Variants in VSIG10L observed in about 807,000 individuals in gnomAD.
The protein encoded by VSIG10L is V-set and immunoglobulin domain containing 10 like, also known as V-set and immunoglobulin domain-containing protein 10-like.
VSIG10L carries 63 observed loss-of-function variants against 67.3 expected under a neutral mutation model. The observed-to-expected ratio is 0.94, with a 90% confidence interval of 0.76 to 1.15. The LOEUF (loss-of-function observed/expected upper bound fraction) is 1.15. Among genes scored for constraint, VSIG10L ranks in the 50% most tolerant of loss-of-function variants. The pLI is 0.00. For synonymous variants in VSIG10L, 499 were observed against 524.9 expected (o/e 0.95, Z 0.67); for missense variants, 1,050 against 1,177.5 (o/e 0.89, Z 1.58).
rs994475121 is a variant in VSIG10L, at chr19:51,331,760, G to A, written c.*851C>T. 1.3e-5 allele frequency: 2 copies of A among 152,230 alleles called. No homozygotes were observed. Among genetic ancestry groups the A allele is most frequent in the African/African-American group, 4.8e-5 (2 of 41,436 alleles). 9.4% of individuals were successfully genotyped at this position (152,230 alleles called of 1,614,324 possible). A position where few individuals can be genotyped will look rare whatever the true frequency, so the allele number is the denominator to read the frequency against. The stretch of plus-strand genomic sequence containing the variant: ...GCTCTGGGTTAAGTGCTGAGTTAAT[G>A]ATGTGGTCTCTGCTTTTGTAAAGCC... On this transcript the variant is annotated 3_prime_UTR_variant, in exon 10 of 10. Coordinates refer to ENST00000335624, the MANE Select transcript of VSIG10L (RefSeq NM_001163922.3).
Position 51,341,798 on chromosome 19 carries a change from C to A in VSIG10L, c.250G>T (p.Ala84Ser), listed in dbSNP as rs1380737815. ...GACCCAGACATGTTGGAACTCAGGG[C>A]CTCAGGAAACCAGCTGGAATCAGAG... ...GISDSSWFPE[A>S]LSSNMSGSFW... The change falls in exon 2 of 10, where the codon GCC (alanine) becomes TCC (serine). Residue 84 changes from alanine to serine, a missense_variant. By Grantham distance (99) the Ala-to-Ser change is moderately conservative. This residue lies in a region of VSIG10L where 511 missense variants were observed against 557.9 expected (regional missense o/e 0.92). Transcript: ENST00000335624. 10 of 1,551,316 alleles carry A rather than the reference C, an allele frequency of 6.4e-6. No individual in the cohort carries two copies.
In VSIG10L at chr19:51,341,276, CA is replaced by C; in HGVS notation, c.771del (p.Phe257LeufsTer78). ...LDPAHRDHLR[F>X]DQARGVLELA... The stretch of plus-strand genomic sequence containing the variant: ...AGCTCCAGAACCCCCCGGGCCTGGT[CA>C]AATCGCAGGTGGTCTCGGTGAGCAG... On this transcript the variant is annotated frameshift_variant, in exon 2 of 10. Transcript: ENST00000335624. LOFTEE classifies it high-confidence loss of function. 1 of 1,549,690 alleles carries C rather than the reference CA, an allele frequency of 6.5e-7. No homozygotes were observed. The highest frequency in any genetic ancestry group is 1.4e-5 in the African/African-American group (1 of 73,164).
intron 5 of VSIG10L, 91 bp downstream of exon 5, chr19:51,338,797 G>T: frequency 7.8e-7 from 1 of 1,284,970 alleles, no homozygotes; most frequent in Admixed American, 4.0e-5. Context: ...GACTAAGGAC[G>T]TACCCCATAC....
chr19:51,334,203 A>G lies in VSIG10L; in HGVS notation c.2407T>C (p.Cys803Arg), dbSNP rs1249777259. The change falls in exon 8 of 10, where the codon TGC becomes CGC. Residue 803 changes from cysteine (C) to arginine (R), a missense_variant. Physicochemically the swap from Cys to Arg is radical, Grantham distance 180. This residue lies in a region of VSIG10L where 529 missense variants were observed against 584.9 expected (regional missense o/e 0.90). Transcript: ENST00000335624. ...VLLLLCICCL[C>R]RFRGKTPEKK... ...TCCCCTTGCTCACCACGAAAGCGGC[A>G]CAGGCAGCAGATGCAAAGGAGGAGA... 1.3e-6 allele frequency: 2 copies of G among 1,551,826 alleles called. No individual in the cohort carries two copies. Among genetic ancestry groups the G allele is most frequent in the Admixed American group, 3.9e-5 (2 of 51,002 alleles).
intron 4 of VSIG10L, 149 bp from the exon 5 acceptor site, chr19:51,339,291 T>C: frequency 1.1e-6 from 1 of 909,894 alleles, no homozygotes; most frequent in Non-Finnish European, 1.5e-6. Context: ...CCGTTCCCTT[T>C]TCCCATTAAC....
At position 51,340,397 on chromosome 19, in the gene VSIG10L, AC is replaced by A. The variant is rs980176907; in HGVS notation, c.1189+35del. 6.8e-7 allele frequency: 1 copy of A among 1,462,046 alleles called. No individual in the cohort carries two copies. Among genetic ancestry groups the A allele is most frequent in the African/African-American group, 1.4e-5 (1 of 69,564 alleles). The allele number at this position is 1,462,046 out of a possible 1,614,324, so 90.6% of individuals were successfully genotyped here. ...GTCCCCAGCCCGCTTCTCCCCAAGG[AC>A]CCCCTGTCCCCGACCCGAGGCATCC... On this transcript the variant is annotated intron_variant, in intron 3 of 9. Coordinates refer to ENST00000335624, the MANE Select transcript of VSIG10L (RefSeq NM_001163922.3). The surrounding 1 kb of genome is among the most constrained non-coding windows in gnomAD (Gnocchi z 6.3).
At chr19:51,341,042 C>T in intron 2 of VSIG10L, 111 bp downstream of exon 2, 6 of 1,394,576 alleles carry the variant, frequency 4.3e-6, no homozygotes, top group Non-Finnish European at 5.6e-6. Flanking sequence ...TTCCTCAACC[C>T]AGAAGTCCTC....
Position 51,338,201 on chromosome 19 carries a change from G to C in VSIG10L, c.1737C>G (p.Pro579=), listed in dbSNP as rs1985536440. The C allele has an allele frequency of 2.0e-6, 3 of 1,468,764 alleles. No individual in the cohort carries two copies. Among genetic ancestry groups the C allele is most frequent in the Non-Finnish European group, 2.7e-6 (3 of 1,109,122 alleles). The allele number at this position is 1,468,764 out of a possible 1,614,324, so 91.0% of individuals were successfully genotyped here. A position where few individuals can be genotyped will look rare whatever the true frequency, so the allele number is the denominator to read the frequency against. Residue 579 remains proline (P), a synonymous_variant, in exon 6 of 10, where the codon CCC becomes CCG. Coordinates refer to ENST00000335624, the MANE Select transcript of VSIG10L (RefSeq NM_001163922.3). The part of the protein sequence containing the change: ...TRTCTVTPEA[P]REVLLHPLVA... ...CCAGCGGATGCAGCAGCACCTCTCG[G>C]GGGGCCTCTGCCGGTGGGAGAAGTC...
rs1278191574 is a variant in VSIG10L, at chr19:51,341,881, T to C, written c.167A>G (p.Lys56Arg). 6.4e-7 allele frequency: 1 copy of C among 1,551,578 alleles called. No individual in the cohort carries two copies. The highest frequency in any genetic ancestry group is 8.7e-7 in the Non-Finnish European group (1 of 1,146,968). ...QGLGVEVPSI[K>R]PPSWKVPDQF... ...ATCTGGAACTTTCCAGCTGGGAGGT[T>C]TGATGGAGGGAACTTCCACACCCAG... The change falls in exon 2 of 10, where the codon AAA (lysine) becomes AGA (arginine). Residue 56 changes from lysine to arginine, a missense_variant. Transcript: ENST00000335624.
chr19:51,339,924 T>C, intron 4 of VSIG10L, 91 bp downstream of exon 4: 2 of 1,014,936 alleles, frequency 2.0e-6, no homozygotes, highest in Non-Finnish European at 2.4e-6. Context: ...CTGCTCCTCC[T>C]TGCTGGCCCC....
Position 51,340,559 on chromosome 19 carries a change from G to T in VSIG10L, c.1063C>A (p.Arg355=). ...AAESEGAETP[R]MRSEGDQLLI... ...AGCTGGTCGCCCTCTGAGCGCATCC[G>T]GGGCGTCTCGGCTCCCTCCGATTCC... Residue 355 remains arginine, a synonymous_variant, in exon 3 of 10, where the codon CGG becomes AGG. Transcript: ENST00000335624. The surrounding 1 kb of genome is among the most constrained non-coding windows in gnomAD (Gnocchi z 6.3). The T allele has an allele frequency of 6.5e-7, 1 of 1,535,674 alleles. No homozygotes were observed. Among genetic ancestry groups the T allele is most frequent in the Non-Finnish European group, 8.7e-7 (1 of 1,146,164 alleles).
intron 4 of VSIG10L, among the ~76,000 whole-genome samples, 181 bp from the exon 5 acceptor site, chr19:51,339,323 C>T (rs1469374971): frequency 6.6e-6 from 1 of 152,172 alleles, no homozygotes; most frequent in Admixed American, 6.5e-5. Flanking sequence ...GTGGGTAGCC[C>T]GCAGCCCTGC....
Position 51,341,388 on chromosome 19 carries a change from G to C in VSIG10L, c.660C>G (p.Pro220=). 1 of 1,535,594 alleles carries C rather than the reference G, an allele frequency of 6.5e-7. No homozygotes were observed. The change falls in exon 2 of 10, where the codon CCC becomes CCG. Residue 220 remains proline, a synonymous_variant. Transcript: ENST00000335624. Reference sequence around the variant, plus strand: ...CCCGGCGCCAGACCACCAGAGAGGTGGGGGGCCCAGGGTTGGGGATTGGGA... The same window carrying C: ...CCCGGCGCCAGACCACCAGAGAGGTCGGGGGCCCAGGGTTGGGGATTGGGA... ...PLVPIPNPGP[P]TSLVVWRRGS... is the part of the protein sequence containing the mutation.
Position 51,334,237 on chromosome 19 carries a change from T to C in VSIG10L, c.2373A>G (p.Leu791=). The part of the protein sequence containing the change: ...VLGSLLGLAL[L]AVLLLLCICC... ...AGATGCAAAGGAGGAGAAGTACGGC[T>C]AGCAGCGCCAGGCCCAGCAGGGAGC... Residue 791 remains leucine, a synonymous_variant, in exon 8 of 10, where the codon CTA becomes CTG. Transcript: ENST00000335624. The C allele has an allele frequency of 6.4e-7, 1 of 1,551,716 alleles. No homozygotes were observed. Among genetic ancestry groups the C allele is most frequent in the South Asian group, 1.2e-5 (1 of 84,064 alleles).
In VSIG10L at chr19:51,340,927, T is replaced by G. The variant is rs908683771; in HGVS notation, c.896-201A>C. The G allele has an allele frequency of 1.8e-5, 16 of 897,452 alleles. No homozygotes were observed. Among genetic ancestry groups the G allele is most frequent in the East Asian group, 2.9e-5 (1 of 34,070 alleles). 55.6% of individuals were successfully genotyped at this position (897,452 alleles called of 1,614,324 possible). ...AGTTCGCCAGAAGAGGCTCCTAGCCTCCTCCTCCTCCCTCAGACCTGGGAG... is the reference window on the plus strand; with the variant it reads ...AGTTCGCCAGAAGAGGCTCCTAGCCGCCTCCTCCTCCCTCAGACCTGGGAG... On this transcript the variant is annotated intron_variant, in intron 2 of 9. Coordinates refer to ENST00000335624, the MANE Select transcript of VSIG10L (RefSeq NM_001163922.3). This position sits in a 1 kb window ranked among gnomAD's most constrained non-coding sequence, Gnocchi z 6.3.
In VSIG10L at chr19:51,339,907, C is replaced by T. The variant is rs542134305; in HGVS notation, c.1474+108G>A. 111 of 1,152,062 alleles carry T rather than the reference C, an allele frequency of 9.6e-5. 1 individual carries two copies. The East Asian group carries it at 3.2e-3, about 33-fold the overall frequency. The allele number at this position is 1,152,062 out of a possible 1,614,324, so 71.4% of individuals were successfully genotyped here. The stretch of plus-strand genomic sequence containing the variant: ...CTCCCGCTGGCCCTGCCCCACCCAC[C>T]GGTATGCTGCTCCTCCTTGCTGGCC... On this transcript the variant is annotated intron_variant, in intron 4 of 9. Transcript: ENST00000335624.
At chr19:51,333,358 G>A (rs1488011081) in intron 9 of VSIG10L, among the ~76,000 whole-genome samples, 2 of 152,092 alleles carry the variant, frequency 1.3e-5, no homozygotes, top group Non-Finnish European at 2.9e-5. Context: ...GTGAAATCCC[G>A]TCTGTACTAA....
chr19:51,341,386 G>A lies in VSIG10L; in HGVS notation c.662C>T (p.Thr221Ile), dbSNP rs1297393856. The A allele has an allele frequency of 3.9e-6, 6 of 1,537,330 alleles. No individual in the cohort carries two copies. The highest frequency in any genetic ancestry group is 2.7e-5 in the African/African-American group (2 of 72,764). ...GCCCCGGCGCCAGACCACCAGAGAGGTGGGGGGCCCAGGGTTGGGGATTGG... is the reference window on the plus strand; with the variant it reads ...GCCCCGGCGCCAGACCACCAGAGAGATGGGGGGCCCAGGGTTGGGGATTGG... Reference protein sequence around the residue: ...LVPIPNPGPPTSLVVWRRGSK... With the variant: ...LVPIPNPGPPISLVVWRRGSK... Residue 221 changes from threonine to isoleucine, a missense_variant, in exon 2 of 10, where the codon ACC (threonine) becomes ATC (isoleucine). Transcript: ENST00000335624.
In VSIG10L at chr19:51,337,490, C is replaced by A. The variant is rs1985513240; in HGVS notation, c.2053G>T (p.Ala685Ser). The change falls in exon 7 of 10, where the codon GCC becomes TCC. Residue 685 changes from alanine to serine, a missense_variant. Transcript: ENST00000335624. Reference sequence around the variant, plus strand: ...CGCTCCACATCCCAAGTCAGCACGGCTGCATCTCTGGCTCTCTGAAGCCTC... The same window carrying A: ...CGCTCCACATCCCAAGTCAGCACGGATGCATCTCTGGCTCTCTGAAGCCTC... Reference protein sequence around the residue: ...SWRLQRARDAAVLTWDVERGA... With the variant: ...SWRLQRARDASVLTWDVERGA... 6.5e-7 allele frequency: 1 copy of A among 1,548,942 alleles called. No individual in the cohort carries two copies. Among genetic ancestry groups the A allele is most frequent in the Non-Finnish European group, 8.7e-7 (1 of 1,145,122 alleles).
Sources: allele counts gnomAD v4.1 joint callset (sites outside exome capture counted in the v4.1 genomes callset), GRCh38; gene constraint gnomAD v4.1.1; regional missense constraint gnomAD v4.1.1; non-coding constraint Gnocchi (gnomAD v3.1); transcripts MANE v1.5; gene names NCBI Gene and HGNC (gene_info 2026-07-23, HGNC 2026-07-21).